CHD6: variants seen among roughly 807,000 people sequenced by gnomAD.
CHD6 encodes the protein ATP-dependent chromatin remodeler CHD6.
CHD6 carries 50 observed loss-of-function variants against 276.9 expected under a neutral mutation model. That is an observed-to-expected ratio of 0.18 (90% CI 0.14 to 0.23). CHD6 has a LOEUF of 0.23. CHD6 is among the 10% of genes least tolerant of loss of function. CHD6 has a pLI of 1.00. For missense variants in CHD6, 2,564 were observed against 3,365.8 expected (o/e 0.76, Z 5.89); for synonymous variants, 1,173 against 1,229.3 (o/e 0.95, Z 0.96).
rs959157590 is a variant in CHD6 at position 41,402,887 on chromosome 20, T to C, written c.*1706A>G. The C allele has an allele frequency of 4.8e-6, 1 of 207,220 alleles. No individual in the cohort carries two copies. Among genetic ancestry groups the C allele is most frequent in the African/African-American group, 2.3e-5 (1 of 43,972 alleles). 12.8% of individuals were successfully genotyped at this position (207,220 alleles called of 1,614,324 possible). A position where few individuals can be genotyped will look rare whatever the true frequency, so the allele number is the denominator to read the frequency against. On this transcript the variant is annotated 3_prime_UTR_variant, in exon 37 of 37. Coordinates refer to ENST00000373233, the MANE Select transcript of CHD6 (RefSeq NM_032221.5). ...GCTACAAGGATGTCATTAAATAGGA[T>C]TTGTTCAATTACTGGATTCTTCTTC... is the stretch of plus-strand genomic sequence containing the variant.
intron 3 of CHD6, among the ~76,000 whole-genome samples, chr20:41,524,524 A>G (rs1375081469): frequency 6.6e-6 from 1 of 152,224 alleles, no homozygotes; most frequent in Non-Finnish European, 1.5e-5. Context: ...AATAAAAGTA[A>G]CTGAAAATAA....
rs151013777 is a variant in CHD6 at position 41,503,719 on chromosome 20, T to C, written c.853-4362A>G. The stretch of plus-strand genomic sequence containing the variant: ...CATCAGTTTAGGAATTTTTGGTCAT[T>C]AGTTATATCGTCAAATGCTACTCTG... On this transcript the variant is annotated intron_variant, in intron 5 of 36. Coordinates refer to ENST00000373233, the MANE Select transcript of CHD6 (RefSeq NM_032221.5). Among the ~76,000 whole-genome samples, 903 of 152,184 alleles carry C rather than the reference T, an allele frequency of 5.9e-3. 12 individuals carry two copies. The highest frequency in any genetic ancestry group is 0.02 in the African/African-American group (849 of 41,536).
At chr20:41,425,511 A>C in intron 28 of CHD6, 117 bp from the exon 29 acceptor site, 4 of 1,074,984 alleles carry the variant, frequency 3.7e-6, no homozygotes, top group Non-Finnish European at 4.1e-6. Flanking sequence ...CAAAGTAGTT[A>C]CTGTTTTAAT....
chr20:41,489,644 C>A, intron 12 of CHD6, 134 bp downstream of exon 12: 1 of 1,154,714 alleles, frequency 8.7e-7, no homozygotes, highest in Non-Finnish European at 1.3e-6. Context: ...CAGGAGTCAG[C>A]CTTGACAAAC....
At chr20:41,502,430 T>C (rs754053619) in intron 5 of CHD6, among the ~76,000 whole-genome samples, 1 of 152,226 alleles carries the variant, frequency 6.6e-6, no homozygotes, top group Non-Finnish European at 1.5e-5. Context: ...TTTCAAGTGC[T>C]CAATAGGCAC....
At position 41,457,377 on chromosome 20, in the gene CHD6, G is replaced by A. The variant is rs777147193; in HGVS notation, c.2716C>T (p.Arg906Cys). Reference protein sequence around the residue: ...IGQSKAVKVYRLITRNSYERE... With the variant: ...IGQSKAVKVYCLITRNSYERE... The stretch of plus-strand genomic sequence containing the variant: ...TCGTAGGAATTTCGAGTGATGAGGC[G>A]ATACACCTTCACAGCTTTGCTCTGG... The change falls in exon 18 of 37, where the codon CGC becomes TGC. Residue 906 changes from arginine (R) to cysteine (C), a missense_variant. By Grantham distance (180) the Arg-to-Cys change is radical. This residue lies in a region of CHD6 where 457 missense variants were observed against 889.0 expected (regional missense o/e 0.51). Transcript: ENST00000373233. 4.3e-6 allele frequency: 7 copies of A among 1,614,098 alleles called. No individual in the cohort carries two copies. Among genetic ancestry groups the A allele is most frequent in the Non-Finnish European group, 5.9e-6 (7 of 1,179,994 alleles).
chr20:41,426,554 T>C (rs776160051), intron 27 of CHD6, among the ~76,000 whole-genome samples: 8 of 152,368 alleles, frequency 5.3e-5, no homozygotes, highest in East Asian at 3.9e-4. Flanking sequence ...CCTGCATTTC[T>C]GTTCTTTTGC....
chr20:41,497,727 A>G (rs933527202), intron 7 of CHD6: 2 of 542,872 alleles, frequency 3.7e-6, no homozygotes, highest in South Asian at 2.1e-5. Flanking sequence ...GCTTCTAGAG[A>G]AACTGGCTGA....
chr20:41,544,349 C>G (rs1445902887), intron 2 of CHD6, among the ~76,000 whole-genome samples: 1 of 152,190 alleles, frequency 6.6e-6, no homozygotes, highest in Non-Finnish European at 1.5e-5. Context: ...CACTTTGAAG[C>G]TGCTTCAAAA....
intron 5 of CHD6, among the ~76,000 whole-genome samples, chr20:41,503,801 G>C (rs1016257368): frequency 5.3e-5 from 8 of 151,926 alleles, no homozygotes; most frequent in African/African-American, 1.9e-4. Context: ...CTTTCGGCTG[G>C]GTGCAGTGGC....
chr20:41,408,304 C>CT (rs1357271745), intron 36 of CHD6, among the ~76,000 whole-genome samples: 1 of 152,166 alleles, frequency 6.6e-6, no homozygotes, highest in African/African-American at 2.4e-5. Flanking sequence ...GCCCAGGCCT[C>CT]TTTCCACAGC....
intron 36 of CHD6, among the ~76,000 whole-genome samples, chr20:41,407,442 A>C (rs1471056261): frequency 6.6e-6 from 1 of 152,234 alleles, no homozygotes; most frequent in Non-Finnish European, 1.5e-5. Flanking sequence ...AGCTGAGGAT[A>C]TCTCTGGGCT....
At chr20:41,469,177 T>C (rs888216021) in intron 17 of CHD6, among the ~76,000 whole-genome samples, 2 of 152,126 alleles carry the variant, frequency 1.3e-5, no homozygotes, top group African/African-American at 2.4e-5. Flanking sequence ...TCCAAAATCC[T>C]GCAGACATGC....
In CHD6 at chr20:41,445,589, C is replaced by T. The variant is rs538524274; in HGVS notation, c.3877+76G>A. On this transcript the variant is annotated intron_variant, in intron 25 of 36. Transcript: ENST00000373233. ...TAGAGTTTTGCAGGAACATGCCGAGCTTAGTTGGAGGGGCTGAACTCATCC... is the reference window on the plus strand; with the variant it reads ...TAGAGTTTTGCAGGAACATGCCGAGTTTAGTTGGAGGGGCTGAACTCATCC... 6.7e-5 allele frequency: 58 copies of T among 869,390 alleles called. No individual in the cohort carries two copies. The South Asian group carries it at 8.0e-4, about 12-fold the overall frequency. The allele number at this position is 869,390 out of a possible 1,614,324, so 53.9% of individuals were successfully genotyped here.
chr20:41,440,317 A>G (rs1368791944), intron 25 of CHD6, among the ~76,000 whole-genome samples, 188 bp from the exon 26 acceptor site: 2 of 152,332 alleles, frequency 1.3e-5, no homozygotes, highest in East Asian at 3.9e-4. Context: ...GACACCTTTG[A>G]GTAGTGTTTG....
intron 32 of CHD6, 127 bp downstream of exon 32, chr20:41,417,071 A>T: frequency 4.5e-6 from 4 of 888,446 alleles, no homozygotes; most frequent in Non-Finnish European, 6.9e-6. Flanking sequence ...TACATAACTA[A>T]TATCTTTTAA....
chr20:41,498,899 T>G (rs1362116612), intron 6 of CHD6, among the ~76,000 whole-genome samples: 1 of 151,838 alleles, frequency 6.6e-6, no homozygotes, highest in Non-Finnish European at 1.5e-5. Flanking sequence ...GGTCTTGAAC[T>G]ACTGGGCTCA....
chr20:41,494,023 G>T, intron 8 of CHD6, 79 bp from the exon 9 acceptor site: 1 of 976,898 alleles, frequency 1.0e-6, no homozygotes. Context: ...ATCTCTAAGT[G>T]ATCCCTACTC....
At chr20:41,504,077 CAAAA>C (rs1189323419) in intron 5 of CHD6, among the ~76,000 whole-genome samples, 556 of 27,050 alleles carry the variant, frequency 0.021, 2 homozygotes, top group African/African-American at 0.066. Context: ...GACTCTGTCT[CAAAA>C]AAAAAAAAAA....
Sources: allele counts gnomAD v4.1 joint callset (sites outside exome capture counted in the v4.1 genomes callset), GRCh38; gene constraint gnomAD v4.1.1; regional missense constraint gnomAD v4.1.1; transcripts MANE v1.5; gene names NCBI Gene and HGNC (gene_info 2026-07-23, HGNC 2026-07-21).